The following PLCB4 variants were observed in gnomAD, a reference collection of about 807,000 sequenced individuals.
PLCB4 encodes the protein 1-phosphatidylinositol 4,5-bisphosphate phosphodiesterase beta-4.
Under a neutral mutation model 178.8 loss-of-function variants are expected in PLCB4, and 77 were observed. That is an observed-to-expected ratio of 0.43 (90% CI 0.36 to 0.52). The LOEUF is 0.52. Ranked by LOEUF, PLCB4 falls within the 20% of genes least tolerant of loss-of-function variation. The probability of loss-of-function intolerance (pLI) is 0.00; values close to 1 mark genes in which losing one functional copy is unlikely to be tolerated. For missense variants in PLCB4, 1,024 were observed against 1,453.4 expected, an observed-to-expected ratio of 0.70 and a Z score of 4.80; for synonymous variants, 496 against 490.8, an observed-to-expected ratio of 1.01 and a Z score of -0.14.
intron 2 of PLCB4, among the ~76,000 whole-genome samples, chr20:9,105,752 T>A (rs1335833086): frequency 6.6e-6 from 1 of 152,038 alleles, no homozygotes; most frequent in Non-Finnish European, 1.5e-5. Flanking sequence ...ACCTGCAAAG[T>A]CTTCTGGAAA....
At chr20:9,151,074 A>C (rs1046750412) in intron 2 of PLCB4, among the ~76,000 whole-genome samples, 9 of 152,296 alleles carry the variant, frequency 5.9e-5, no homozygotes, top group African/African-American at 2.2e-4. Context: ...CCAGTTCTGC[A>C]TCCATGGATT....
chr20:9,459,565 ATGT>A (rs2043265241), intron 34 of PLCB4, 67 bp from the exon 35 acceptor site: 3 of 1,137,596 alleles, frequency 2.6e-6, no homozygotes, highest in Admixed American at 4.3e-5. Flanking sequence ...TACCTGAATA[ATGT>A]TGTGCTTTTG....
At chr20:9,133,213 TATC>T (rs2092312121) in intron 2 of PLCB4, among the ~76,000 whole-genome samples, 1 of 152,196 alleles carries the variant, frequency 6.6e-6, no homozygotes, top group Non-Finnish European at 1.5e-5. Context: ...CTGTGGGTTT[TATC>T]ATTGTGCTTT....
intron 36 of PLCB4, among the ~76,000 whole-genome samples, chr20:9,471,386 A>G (rs1356926305): frequency 1.3e-5 from 2 of 152,222 alleles, no homozygotes; most frequent in Non-Finnish European, 2.9e-5. Flanking sequence ...AAATCAGTTA[A>G]CTTTCACCAA....
chr20:9,299,753 A>G (rs1051901035), intron 3 of PLCB4, among the ~76,000 whole-genome samples: 2 of 152,104 alleles, frequency 1.3e-5, no homozygotes, highest in African/African-American at 4.8e-5. Flanking sequence ...AAACAGCACA[A>G]CAGTATTCTT....
intron 4 of PLCB4, among the ~76,000 whole-genome samples, chr20:9,311,025 ATTAAATCT>A (rs2147891771): frequency 1.3e-5 from 2 of 152,346 alleles, no homozygotes; most frequent in East Asian, 3.9e-4. Context: ...GATGCTTAAC[ATTAAATCT>A]TTAAAAGACA....
At chr20:9,431,704 T>C (rs1488598795) in intron 28 of PLCB4, among the ~76,000 whole-genome samples, 1 of 151,156 alleles carries the variant, frequency 6.6e-6, no homozygotes, top group African/African-American at 2.4e-5. Context: ...AAGATAGGAT[T>C]TCACCATGTT....
At chr20:9,185,848 G>A (rs747682367) in intron 2 of PLCB4, among the ~76,000 whole-genome samples, 50 of 152,166 alleles carry the variant, frequency 3.3e-4, no homozygotes, top group Non-Finnish European at 6.0e-4. Flanking sequence ...TCATCCACAT[G>A]GCTAAATCTC....
rs146171902 is a variant in PLCB4 at position 9,199,084 on chromosome 20, G to A, written c.-78-18306G>A. On this transcript the variant is annotated intron_variant, in intron 2 of 39. Coordinates refer to ENST00000378473, the MANE Select transcript of PLCB4 (RefSeq NM_001377142.1). ...GTGTGAGGAGCAGGAAGATAATATT[G>A]CCAATGGGGACTCTATTAGTAAGTG... Among the ~76,000 whole-genome samples the A allele has an allele frequency of 3.2e-3, 491 of 152,252 alleles. 2 individuals carry two copies. The highest frequency in any genetic ancestry group is 5.4e-3 in the Non-Finnish European group (366 of 68,004).
chr20:9,278,886 C>T (rs962648114), intron 3 of PLCB4, among the ~76,000 whole-genome samples: 31 of 152,046 alleles, frequency 2.0e-4, no homozygotes, highest in Non-Finnish European at 3.2e-4. Context: ...TTAATAAGTA[C>T]GCATTGAGAA....
chr20:9,449,898 C>G (rs2042646424), intron 32 of PLCB4, among the ~76,000 whole-genome samples: 1 of 152,148 alleles, frequency 6.6e-6, no homozygotes, highest in Non-Finnish European at 1.5e-5. Context: ...AGCAGTTGCC[C>G]TCAGAGTCCG....
intron 3 of PLCB4, among the ~76,000 whole-genome samples, chr20:9,294,301 G>A (rs1323503643): frequency 1.3e-5 from 2 of 152,072 alleles, no homozygotes; most frequent in Non-Finnish European, 2.9e-5. Flanking sequence ...TGAGGGTTTG[G>A]TTATGACTCA....
At chr20:9,315,414 G>A (rs535721084) in intron 4 of PLCB4, among the ~76,000 whole-genome samples, 7 of 152,304 alleles carry the variant, frequency 4.6e-5, no homozygotes, top group Admixed American at 2.0e-4. Context: ...CAGTCCTTTG[G>A]GAGTGTATGG....
At chr20:9,294,203 A>C (rs1219796834) in intron 3 of PLCB4, among the ~76,000 whole-genome samples, 1 of 152,116 alleles carries the variant, frequency 6.6e-6, no homozygotes, top group Non-Finnish European at 1.5e-5. Flanking sequence ...CAGGGAGCAT[A>C]AAGGTTTGGG....
intron 17 of PLCB4, among the ~76,000 whole-genome samples, chr20:9,391,799 CT>C (rs1206276379): frequency 2.0e-5 from 3 of 152,214 alleles, no homozygotes; most frequent in African/African-American, 7.2e-5. Context: ...ATTATCACCC[CT>C]ATCCCATGCT....
chr20:9,253,850 G>A (rs921070349), intron 3 of PLCB4, among the ~76,000 whole-genome samples: 6 of 152,138 alleles, frequency 3.9e-5, no homozygotes, highest in African/African-American at 1.2e-4. Context: ...ATTGCCAGCT[G>A]GATCTGCTGG....
intron 3 of PLCB4, among the ~76,000 whole-genome samples, chr20:9,241,239 C>T (rs1471148843): frequency 6.6e-6 from 1 of 152,018 alleles, no homozygotes; most frequent in African/African-American, 2.4e-5. Context: ...ATACTGTTAC[C>T]TTTCTCCCCT....
intron 2 of PLCB4, among the ~76,000 whole-genome samples, chr20:9,132,431 G>C (rs1254150555): frequency 1.3e-5 from 2 of 152,146 alleles, no homozygotes; most frequent in Non-Finnish European, 2.9e-5. Context: ...TATTCATTCA[G>C]GTTGTGAAAG....
intron 4 of PLCB4, among the ~76,000 whole-genome samples, chr20:9,321,658 G>A (rs1035302534): frequency 3.3e-5 from 5 of 151,908 alleles, no homozygotes; most frequent in East Asian, 1.9e-4. Flanking sequence ...TGAGACAGAC[G>A]GAGTCTCACT....
Sources: gnomAD v4.1 joint callset for allele counts (sites outside exome capture counted in the v4.1 genomes callset) on GRCh38, gnomAD v4.1.1 for gene constraint, MANE v1.5 for transcripts, NCBI Gene and HGNC (gene_info 2026-07-23, HGNC 2026-07-21) for gene names.